MOB3B: variants seen among roughly 807,000 people sequenced by gnomAD.
MOB3B encodes MOB kinase activator-like 2B.
A neutral mutation model predicts 18.7 loss-of-function variants in MOB3B; 7 were observed. That is an observed-to-expected ratio of 0.37 (90% CI 0.21 to 0.70). The LOEUF is 0.70. Ranked by LOEUF, MOB3B falls within the 30% of genes least tolerant of loss-of-function variation. The pLI is 0.52. For synonymous variants in MOB3B, 111 were observed against 99.9 expected (o/e 1.11, Z -0.66); for missense variants, 253 against 281.3 (o/e 0.90, Z 0.72).
At chr9:27,353,760 G>A (rs1420588895) in intron 3 of MOB3B, among the ~76,000 whole-genome samples, 1 of 152,162 alleles carries the variant, frequency 6.6e-6, no homozygotes, top group Non-Finnish European at 1.5e-5. Flanking sequence ...CCCTCTCTGA[G>A]TCTGCTTTTG....
chr9:27,411,337 G>C (rs995188814), intron 2 of MOB3B, among the ~76,000 whole-genome samples: 1 of 152,164 alleles, frequency 6.6e-6, no homozygotes, highest in African/African-American at 2.4e-5. Context: ...TTCCAAGAAG[G>C]AACATCTAGC....
At chr9:27,422,005 A>G (rs572157860) in intron 2 of MOB3B, among the ~76,000 whole-genome samples, 3 of 152,238 alleles carry the variant, frequency 2.0e-5, no homozygotes, top group African/African-American at 7.2e-5. Context: ...TTTAGTCTTT[A>G]TTGTTCTCTG....
intron 3 of MOB3B, among the ~76,000 whole-genome samples, chr9:27,336,115 C>G (rs1372433208): frequency 6.6e-6 from 1 of 152,202 alleles, no homozygotes; most frequent in Non-Finnish European, 1.5e-5. Flanking sequence ...ACTCTATGAA[C>G]TAGGCATTAC....
intron 3 of MOB3B, among the ~76,000 whole-genome samples, chr9:27,342,114 C>T (rs1467656006): frequency 6.6e-6 from 1 of 152,140 alleles, no homozygotes; most frequent in Non-Finnish European, 1.5e-5. Context: ...ACTTCCATGG[C>T]AGAGCTGAGC....
At chr9:27,446,551 A>C (rs190081676) in intron 2 of MOB3B, among the ~76,000 whole-genome samples, 120 of 152,200 alleles carry the variant, frequency 7.9e-4, no homozygotes, top group African/African-American at 2.6e-3. Flanking sequence ...TGGATGATCA[A>C]CTCCACAGCC....
intron 1 of MOB3B, among the ~76,000 whole-genome samples, chr9:27,527,485 T>C (rs1820453476): frequency 6.6e-6 from 1 of 152,154 alleles, no homozygotes; most frequent in South Asian, 2.1e-4. Context: ...TCTTTTATGT[T>C]AAATGGAAAC....
intron 1 of MOB3B, among the ~76,000 whole-genome samples, chr9:27,468,390 T>C (rs1250867918): frequency 6.6e-6 from 1 of 152,184 alleles, no homozygotes. Flanking sequence ...TGAAAAACTT[T>C]CTATCCACTC....
chr9:27,468,861 A>G (rs1024209517), intron 1 of MOB3B, among the ~76,000 whole-genome samples: 2 of 152,232 alleles, frequency 1.3e-5, no homozygotes, highest in Non-Finnish European at 2.9e-5. Flanking sequence ...CTTCATGCAA[A>G]GATCAACAGT....
chr9:27,355,546 T>G (rs1354998101), intron 3 of MOB3B, among the ~76,000 whole-genome samples: 1 of 146,920 alleles, frequency 6.8e-6, no homozygotes, highest in East Asian at 2.0e-4. Flanking sequence ...GAGAGCATAG[T>G]TTTTTTCTTT....
At chr9:27,409,619 A>G (rs986495165) in intron 2 of MOB3B, among the ~76,000 whole-genome samples, 1 of 152,210 alleles carries the variant, frequency 6.6e-6, no homozygotes, top group Non-Finnish European at 1.5e-5. Flanking sequence ...GGACTCAAAT[A>G]GACACTTGTA....
intron 2 of MOB3B, among the ~76,000 whole-genome samples, chr9:27,392,536 A>C (rs987307702): frequency 6.6e-6 from 1 of 152,166 alleles, no homozygotes; most frequent in Non-Finnish European, 1.5e-5. Context: ...CTCATTTCAT[A>C]AAAGGGCATT....
intron 2 of MOB3B, among the ~76,000 whole-genome samples, chr9:27,441,457 T>G (rs929673890): frequency 2.0e-5 from 3 of 152,148 alleles, no homozygotes; most frequent in African/African-American, 7.2e-5. Flanking sequence ...TAAGGGTTCC[T>G]TGAACACAAG....
intron 1 of MOB3B, among the ~76,000 whole-genome samples, chr9:27,505,667 G>A (rs1027464484): frequency 4.6e-5 from 7 of 152,184 alleles, no homozygotes; most frequent in African/African-American, 1.7e-4. Flanking sequence ...AGGCCCTCTT[G>A]AAAGCTTAAT....
At chr9:27,480,418 G>T (rs1819631875) in intron 1 of MOB3B, among the ~76,000 whole-genome samples, 1 of 152,050 alleles carries the variant, frequency 6.6e-6, no homozygotes, top group Non-Finnish European at 1.5e-5. Flanking sequence ...TCCTGCCTCA[G>T]CCTCCGGAGT....
At position 27,330,286 on chromosome 9, in the gene MOB3B, C is replaced by G; in HGVS notation, c.*301G>C. On this transcript the variant is annotated 3_prime_UTR_variant, in exon 4 of 4. Coordinates refer to ENST00000262244, the MANE Select transcript of MOB3B (RefSeq NM_024761.5). ...CTTAGGCGGCAGGTCACAGGCAGAACTGTGCCATGTGTGGAAGTGCAGAGG... is the reference window on the plus strand; with the variant it reads ...CTTAGGCGGCAGGTCACAGGCAGAAGTGTGCCATGTGTGGAAGTGCAGAGG... 1 of 299,398 alleles carries G rather than the reference C, an allele frequency of 3.3e-6. No individual in the cohort carries two copies. 18.5% of individuals were successfully genotyped at this position (299,398 alleles called of 1,614,324 possible).
chr9:27,369,310 C>G (rs1821381961), intron 2 of MOB3B, among the ~76,000 whole-genome samples: 1 of 152,214 alleles, frequency 6.6e-6, no homozygotes, highest in South Asian at 2.1e-4. Flanking sequence ...CCAGTAGAAT[C>G]TTTCTTCCAT....
At chr9:27,437,592 C>G (rs1394292232) in intron 2 of MOB3B, among the ~76,000 whole-genome samples, 1 of 152,166 alleles carries the variant, frequency 6.6e-6, no homozygotes, top group African/African-American at 2.4e-5. Context: ...AAAAAGGGAA[C>G]AGCTGATAAA....
chr9:27,515,439 G>A (rs1237296318), intron 1 of MOB3B, among the ~76,000 whole-genome samples: 4 of 152,268 alleles, frequency 2.6e-5, no homozygotes, highest in South Asian at 4.1e-4. Context: ...TGGTTAAGTC[G>A]CTCAATAGTT....
In MOB3B at chr9:27,347,445, C is replaced by T. The variant is rs191055460; in HGVS notation, c.621+11589G>A. On this transcript the variant is annotated intron_variant, in intron 3 of 3. Transcript: ENST00000262244. ...AGCCATGTTCCTGGAACGTAGCGCC[C>T]TGGTGATACTGGGGTTTGCATAATG... 5.6e-4 allele frequency among the ~76,000 whole-genome samples: 85 copies of T among 152,378 alleles called. 1 individual carries two copies. The highest frequency in any genetic ancestry group is 1.9e-3 in the African/African-American group (81 of 41,590).
Sources: allele counts gnomAD v4.1 joint callset (sites outside exome capture counted in the v4.1 genomes callset), GRCh38; gene constraint gnomAD v4.1.1; transcripts MANE v1.5; gene names NCBI Gene and HGNC (gene_info 2026-07-23, HGNC 2026-07-21).